STXBP5L: variants seen among roughly 807,000 people sequenced by gnomAD.
The protein encoded by STXBP5L is syntaxin binding protein 5L.
STXBP5L carries 65 observed loss-of-function variants against 144.5 expected under a neutral mutation model. The observed-to-expected ratio is 0.45, with a 90% CI of 0.37 to 0.55. STXBP5L has a LOEUF of 0.55. Among genes scored for constraint, STXBP5L ranks in the 20% least tolerant of loss-of-function variants. The pLI is 0.00. For missense variants in STXBP5L, 1,298 were observed against 1,405.5 expected (o/e 0.92, Z 1.22); for synonymous variants, 505 against 469.6 (o/e 1.08, Z -0.97).
intron 5 of STXBP5L, among the ~76,000 whole-genome samples, chr3:121,088,947 T>A (rs1576910657): frequency 1.5e-5 from 1 of 65,436 alleles, no homozygotes; most frequent in Non-Finnish European, 2.8e-5. Context: ...TGTGGTGGGG[T>A]CGGGGGAGGG....
chr3:121,038,221 G>T (rs1946894679), intron 3 of STXBP5L, among the ~76,000 whole-genome samples: 1 of 151,594 alleles, frequency 6.6e-6, no homozygotes, highest in Admixed American at 6.6e-5. Context: ...ACCTTCTTAA[G>T]ATGAAAGCTT....
intron 24 of STXBP5L, among the ~76,000 whole-genome samples, chr3:121,415,210 G>A (rs1201242415): frequency 1.3e-5 from 2 of 152,140 alleles, no homozygotes; most frequent in Admixed American, 6.6e-5. Flanking sequence ...GGGGAGCAAG[G>A]TCTGGTAAAA....
At chr3:121,095,472 G>A (rs948519779) in intron 5 of STXBP5L, among the ~76,000 whole-genome samples, 12 of 152,096 alleles carry the variant, frequency 7.9e-5, no homozygotes, top group Non-Finnish European at 1.8e-4. Context: ...TTTCTTGGAG[G>A]CTTTGTTCAT....
chr3:120,977,940 G>T (rs1478882921), intron 3 of STXBP5L, among the ~76,000 whole-genome samples: 3 of 152,188 alleles, frequency 2.0e-5, no homozygotes, highest in Non-Finnish European at 2.9e-5. Flanking sequence ...GCTTCCCTTT[G>T]TGGGTAACCC....
chr3:120,977,924 T>C (rs1318270231), intron 3 of STXBP5L, among the ~76,000 whole-genome samples: 1 of 152,286 alleles, frequency 6.6e-6, no homozygotes, highest in African/African-American at 2.4e-5. Context: ...GCTGTTAGTC[T>C]GATGGGCTTC....
intron 19 of STXBP5L, among the ~76,000 whole-genome samples, chr3:121,313,750 C>G (rs1463204108): frequency 7.5e-6 from 1 of 132,798 alleles, no homozygotes; most frequent in East Asian, 2.4e-4. Flanking sequence ...CCCCCCACCT[C>G]CCTCCCGGAC....
At chr3:120,979,287 A>T (rs1941477521) in intron 3 of STXBP5L, among the ~76,000 whole-genome samples, 1 of 152,234 alleles carries the variant, frequency 6.6e-6, no homozygotes, top group African/African-American at 2.4e-5. Flanking sequence ...GCCGCCTTGC[A>T]GTTTGATCTC....
chr3:121,221,055 C>T (rs928014112), intron 10 of STXBP5L, among the ~76,000 whole-genome samples: 1 of 151,516 alleles, frequency 6.6e-6, no homozygotes, highest in Non-Finnish European at 1.5e-5. Flanking sequence ...TTGGTTGTTG[C>T]TTCTTAGCTG....
chr3:120,921,873 T>C (rs1709375008), intron 2 of STXBP5L, among the ~76,000 whole-genome samples: 4 of 152,098 alleles, frequency 2.6e-5, no homozygotes, highest in Admixed American at 2.6e-4. Context: ...TTTAGGTCTG[T>C]AGTATATTTT....
At chr3:121,270,332 A>G (rs1283714274) in intron 18 of STXBP5L, among the ~76,000 whole-genome samples, 3 of 151,612 alleles carry the variant, frequency 2.0e-5, no homozygotes, top group East Asian at 3.9e-4. Context: ...ACCATATTAA[A>G]TTTCTAGATA....
intron 9 of STXBP5L, among the ~76,000 whole-genome samples, chr3:121,177,049 G>A (rs1435575239): frequency 6.6e-6 from 1 of 151,238 alleles, no homozygotes; most frequent in African/African-American, 2.4e-5. Flanking sequence ...AAGACAAAGG[G>A]GAAAAAAATC....
intron 19 of STXBP5L, among the ~76,000 whole-genome samples, chr3:121,305,177 C>A (rs1362464738): frequency 1.2e-4 from 19 of 152,050 alleles, no homozygotes; most frequent in Non-Finnish European, 2.6e-4. Flanking sequence ...AAATTAAATA[C>A]CCACAACAAA....
At chr3:120,948,110 G>A (rs1710973341) in intron 2 of STXBP5L, among the ~76,000 whole-genome samples, 1 of 151,600 alleles carries the variant, frequency 6.6e-6, no homozygotes, top group Non-Finnish European at 1.5e-5. Flanking sequence ...TTATCAACAT[G>A]TGTTAATATA....
intron 5 of STXBP5L, among the ~76,000 whole-genome samples, chr3:121,087,238 A>G (rs1376538435): frequency 2.0e-5 from 3 of 151,886 alleles, no homozygotes; most frequent in Admixed American, 1.3e-4. Flanking sequence ...ATCCTTACTG[A>G]TTTTCTCTTT....
intron 1 of STXBP5L, among the ~76,000 whole-genome samples, chr3:120,908,859 T>G (rs1176747208): frequency 3.9e-5 from 1 of 25,712 alleles, no homozygotes; most frequent in Non-Finnish European, 7.6e-5. Context: ...GGGAGGGAGA[T>G]GAGGGGGAGG....
At chr3:121,144,459 T>A (rs1289595442) in intron 7 of STXBP5L, among the ~76,000 whole-genome samples, 1 of 151,828 alleles carries the variant, frequency 6.6e-6, no homozygotes, top group East Asian at 1.9e-4. Flanking sequence ...GTGTATGTAT[T>A]TTAAACCGAA....
intron 3 of STXBP5L, among the ~76,000 whole-genome samples, chr3:121,035,561 G>T (rs1446638041): frequency 1.3e-5 from 2 of 152,112 alleles, no homozygotes; most frequent in Admixed American, 1.3e-4. Context: ...CTGTTCTATT[G>T]AGATATGTGT....
intron 7 of STXBP5L, among the ~76,000 whole-genome samples, chr3:121,124,772 A>ATTCTTT (rs1348461030): frequency 2.0e-5 from 3 of 151,756 alleles, no homozygotes; most frequent in Admixed American, 2.0e-4. Context: ...TTTTTGTTTT[A>ATTCTTT]TTGACTAGGA....
chr3:121,252,450 A>T (rs906826447), intron 15 of STXBP5L, among the ~76,000 whole-genome samples: 4 of 152,134 alleles, frequency 2.6e-5, no homozygotes, highest in African/African-American at 9.7e-5. Context: ...TAGAGTGAAT[A>T]ACACCCTTAA....
Sources: allele counts gnomAD v4.1 joint callset (sites outside exome capture counted in the v4.1 genomes callset), GRCh38; gene constraint gnomAD v4.1.1; transcripts MANE v1.5; gene names NCBI Gene and HGNC (gene_info 2026-07-23, HGNC 2026-07-21).